The following STK3 variants were observed in gnomAD, a reference collection of about 807,000 sequenced individuals.
STK3 encodes serine/threonine kinase 3.
STK3 carries 41 observed loss-of-function variants against 58.0 expected under a neutral mutation model. The ratio of observed to expected loss-of-function variants is 0.71; its 90% CI spans 0.55 to 0.92. STK3 has a LOEUF of 0.92. Among genes scored for constraint, STK3 ranks in the 40% least tolerant of loss-of-function variants. The pLI is 0.00. For missense variants in STK3, 479 were observed against 602.7 expected (o/e 0.79, Z 2.15); for synonymous variants, 170 against 191.0 (o/e 0.89, Z 0.91).
At chr8:98,595,971 A>C (rs559536531) in intron 7 of STK3, 61 bp downstream of exon 7, 2 of 1,554,846 alleles carry the variant, frequency 1.3e-6, no homozygotes, top group East Asian at 4.5e-5. Flanking sequence ...AATTCTGGCC[A>C]ATGTCAGAAA....
chr8:98,749,095 T>C (rs543696299), intron 4 of STK3, among the ~76,000 whole-genome samples, 181 bp downstream of exon 4: 1 of 152,112 alleles, frequency 6.6e-6, no homozygotes, highest in East Asian at 1.9e-4. Flanking sequence ...ATGTAATTCC[T>C]AAATTTGTTA....
At chr8:98,347,142 T>C in the STK3 span, among the ~76,000 whole-genome samples, 2,239 of 151,938 alleles carry the variant, frequency 0.015, 30 homozygotes, top group Non-Finnish European at 0.02. Context: ...TTATAAACCC[T>C]ATAGCAGCCA....
At chr8:98,581,321 C>G (rs948357838) in intron 7 of STK3, among the ~76,000 whole-genome samples, 5 of 152,112 alleles carry the variant, frequency 3.3e-5, no homozygotes, top group African/African-American at 1.2e-4. Context: ...TGCCTCTGAC[C>G]CCACTCCAAC....
At chr8:98,897,705 ATG>A (rs961111474) in intron 1 of STK3, among the ~76,000 whole-genome samples, 2 of 152,152 alleles carry the variant, frequency 1.3e-5, no homozygotes, top group African/African-American at 4.8e-5. Context: ...AAAGAGTCTG[ATG>A]TGTGTGATTC....
chr8:98,651,170 G>C (rs1008552721), intron 6 of STK3, among the ~76,000 whole-genome samples: 4 of 152,312 alleles, frequency 2.6e-5, no homozygotes, highest in South Asian at 2.1e-4. Context: ...TCAGACAGCA[G>C]CATTCGCGGT....
At chr8:98,407,763 C>T (rs944711282) in intron 3 of STK3, among the ~76,000 whole-genome samples, 46 of 149,954 alleles carry the variant, frequency 3.1e-4, no homozygotes, top group Non-Finnish European at 5.0e-4. Context: ...TGTGTGCGCG[C>T]GCGCGCGCAT....
At chr8:98,804,266 T>C (rs1349948508) in intron 1 of STK3, among the ~76,000 whole-genome samples, 1 of 152,136 alleles carries the variant, frequency 6.6e-6, no homozygotes, top group African/African-American at 2.4e-5. Context: ...CCTCCCAAAG[T>C]GCTGGGATTA....
At chr8:98,360,125 C>T in the STK3 span, among the ~76,000 whole-genome samples, 2 of 152,228 alleles carry the variant, frequency 1.3e-5, no homozygotes, top group Non-Finnish European at 2.9e-5. Context: ...TTTTTACTTA[C>T]CTTCGGGGTC....
intron 4 of STK3, among the ~76,000 whole-genome samples, chr8:98,709,253 G>A (rs981704534): frequency 7.2e-5 from 11 of 152,082 alleles, no homozygotes; most frequent in Admixed American, 7.2e-4. Flanking sequence ...GAACGACTGA[G>A]AAGCTACTTT....
At position 98,797,266 on chromosome 8, in the gene STK3, C is replaced by T. The variant is rs1833238343; in HGVS notation, c.27-22447G>A. ...CCACCTGAAGGGCAGACAGCTTTTG[C>T]TTCTACTTGCCCATCAGAAACATGA... On this transcript the variant is annotated intron_variant, in intron 1 of 10. Transcript: ENST00000419617. Among the ~76,000 whole-genome samples the T allele has an allele frequency of 3.3e-5, 5 of 152,346 alleles. No individual in the cohort carries two copies. The South Asian group carries it at 1.0e-3, about 32-fold the overall frequency.
intron 1 of STK3, among the ~76,000 whole-genome samples, chr8:98,777,125 C>CA (rs1587591821): frequency 6.6e-6 from 1 of 151,366 alleles, no homozygotes; most frequent in Non-Finnish European, 1.5e-5. Context: ...CTTACATATA[C>CA]AAAAAAATAC....
intron 3 of STK3, among the ~76,000 whole-genome samples, chr8:98,414,840 T>C (rs1478848122): frequency 2.0e-5 from 3 of 152,222 alleles, no homozygotes; most frequent in African/African-American, 7.2e-5. Context: ...TTGATGTAAG[T>C]GAGCTCTGCA....
intron 6 of STK3, among the ~76,000 whole-genome samples, chr8:98,614,729 C>A (rs1041495038): frequency 2.6e-5 from 4 of 152,184 alleles, no homozygotes; most frequent in African/African-American, 9.7e-5. Context: ...TCACTCTCAC[C>A]CGAATACTGC....
chr8:98,465,620 T>C (rs1192380449), intron 10 of STK3, among the ~76,000 whole-genome samples: 1 of 152,156 alleles, frequency 6.6e-6, no homozygotes, highest in East Asian at 1.9e-4. Context: ...CCTAATGTTA[T>C]CAATAAATGT....
intron 1 of STK3, chr8:98,438,650 G>C (rs189350408): frequency 6.6e-6 from 1 of 152,348 alleles, no homozygotes; most frequent in Non-Finnish European, 1.5e-5. Flanking sequence ...ATGCATATGT[G>C]TGTGTGTGCC....
At chr8:98,548,369 G>A (rs1427463332) in intron 8 of STK3, among the ~76,000 whole-genome samples, 1 of 152,066 alleles carries the variant, frequency 6.6e-6, no homozygotes, top group Admixed American at 6.6e-5. Flanking sequence ...TACAGATCAA[G>A]CAACAGAAAC....
At chr8:98,932,757 G>A (rs983121951) in intron 1 of STK3, among the ~76,000 whole-genome samples, 12 of 152,280 alleles carry the variant, frequency 7.9e-5, no homozygotes, top group Middle Eastern at 3.4e-3. Context: ...GCCATACTTC[G>A]AAAAGTTAGG....
At chr8:98,440,880 T>G (rs1228062750) in intron 1 of STK3, among the ~76,000 whole-genome samples, 1 of 152,170 alleles carries the variant, frequency 6.6e-6, no homozygotes, top group Admixed American at 6.5e-5. Context: ...AACATCTACC[T>G]TAGAGAGAAG....
intron 1 of STK3, among the ~76,000 whole-genome samples, chr8:98,776,363 A>C (rs146205822): frequency 1.3e-5 from 2 of 151,832 alleles, no homozygotes; most frequent in East Asian, 3.9e-4. Flanking sequence ...GGACTGGATG[A>C]TGGCTACAAG....
Sources: allele counts gnomAD v4.1 joint callset (sites outside exome capture counted in the v4.1 genomes callset), GRCh38; gene constraint gnomAD v4.1.1; transcripts MANE v1.5; gene names NCBI Gene and HGNC (gene_info 2026-07-23, HGNC 2026-07-21).